PMFBP1: variants seen among roughly 807,000 people sequenced by gnomAD.
The protein encoded by PMFBP1 is polyamine-modulated factor 1-binding protein 1.
In PMFBP1, 131 loss-of-function variants were observed where a neutral mutation model predicts 137.8. The observed-to-expected ratio is 0.95, with a 90% CI of 0.82 to 1.10. The LOEUF (loss-of-function observed/expected upper bound fraction) is 1.10. PMFBP1 is among the 50% of genes least tolerant of loss of function. The pLI is 0.00. For missense variants in PMFBP1, 1,199 were observed against 1,175.4 expected (o/e 1.02, Z -0.29); for synonymous variants, 490 against 450.4 (o/e 1.09, Z -1.11).
chr16:72,150,762 T>A lies in PMFBP1; in HGVS notation c.482A>T (p.Gln161Leu). The A allele has an allele frequency of 1.2e-6, 2 of 1,614,230 alleles. No homozygotes were observed. Among genetic ancestry groups the A allele is most frequent in the South Asian group, 1.1e-5 (1 of 91,084 alleles). The change falls in exon 5 of 21, where the codon CAG becomes CTG. Residue 161 changes from glutamine to leucine, a missense_variant. By Grantham distance (113) the Gln-to-Leu change is moderately radical. Transcript: ENST00000237353. ...ENTGEKLHLAQEQLALAGDKI... is the reference protein window; with the variant it reads ...ENTGEKLHLALEQLALAGDKI... ...GTCCCCGGCCAAGGCGAGTTGCTCC[T>A]GCGCCAAATGGAGCTTCTCCCCTGT...
At chr16:72,136,032 G>A (rs2042626052) in intron 9 of PMFBP1, among the ~76,000 whole-genome samples, 1 of 152,092 alleles carries the variant, frequency 6.6e-6, no homozygotes, top group African/African-American at 2.4e-5. Context: ...TGGGATTACA[G>A]GCTTGAGCCA....
At chr16:72,153,148 G>A (rs2144425756) in intron 4 of PMFBP1, among the ~76,000 whole-genome samples, 1 of 152,304 alleles carries the variant, frequency 6.6e-6, no homozygotes, top group Non-Finnish European at 1.5e-5. Context: ...GAACCACTAA[G>A]TTTTAACACA....
In PMFBP1 at chr16:72,136,554, G is replaced by A. The variant is rs573884469; in HGVS notation, c.1097C>T (p.Ala366Val). The change falls in exon 9 of 21, where the codon GCC becomes GTC. Residue 366 changes from alanine to valine, a missense_variant. Coordinates refer to ENST00000237353, the MANE Select transcript of PMFBP1 (RefSeq NM_031293.3). ...GTCCTTATCCTTCCTCTCAATGTGG[G>A]CAGATGTCTCCTCCCGCAGTCCGTG... ...DLHGLREETS[A>V]HIERKDKDIT... 1.2e-4 allele frequency: 186 copies of A among 1,613,866 alleles called. No homozygotes were observed. The highest frequency in any genetic ancestry group is 1.5e-4 in the Non-Finnish European group (179 of 1,180,002).
chr16:72,248,102 T>G, the PMFBP1 span, among the ~76,000 whole-genome samples: 1 of 152,188 alleles, frequency 6.6e-6, no homozygotes, highest in African/African-American at 2.4e-5. Flanking sequence ...TCTGGAAGTG[T>G]TCTAAAGTGA....
At chr16:72,195,072 G>C in the PMFBP1 span, among the ~76,000 whole-genome samples, 1 of 152,140 alleles carries the variant, frequency 6.6e-6, no homozygotes, top group South Asian at 2.1e-4. Flanking sequence ...CTTGCTGTTC[G>C]GGTCTCCCTT....
At chr16:72,209,771 C>T in the PMFBP1 span, among the ~76,000 whole-genome samples, 2 of 152,134 alleles carry the variant, frequency 1.3e-5, no homozygotes, top group Non-Finnish European at 2.9e-5. Flanking sequence ...GGAAACGAGA[C>T]CCATACACGA....
upstream of PMFBP1, among the ~76,000 whole-genome samples, chr16:72,180,753 T>C (rs1379712938): frequency 2.6e-5 from 4 of 152,152 alleles, no homozygotes; most frequent in African/African-American, 9.7e-5. Context: ...ACAGATTGAC[T>C]GAAGGCAGCA....
the PMFBP1 span, among the ~76,000 whole-genome samples, chr16:72,198,745 C>T: frequency 1.0e-3 from 159 of 152,194 alleles, no homozygotes; most frequent in Non-Finnish European, 1.5e-3. Flanking sequence ...AAGGCAAACC[C>T]GTGGATCGGT....
chr16:72,154,422 G>C lies in PMFBP1; in HGVS notation c.203C>G (p.Ser68Ter). The change falls in exon 4 of 21, where the codon TCA becomes TGA. Residue 68 changes from serine (S) to a stop codon, truncating the protein, a stop_gained. Transcript: ENST00000237353. LOFTEE classifies it high-confidence loss of function. Reference protein sequence around the residue: ...KQAQALAFEESEVEFGSSKQC... With the variant: ...KQAQALAFEE ...TTTACTGGACCCAAATTCCACCTCTGACTCCTCGAATGCTAATGCCTGTGC... is the reference window on the plus strand; with the variant it reads ...TTTACTGGACCCAAATTCCACCTCTCACTCCTCGAATGCTAATGCCTGTGC... 6.2e-7 allele frequency: 1 copy of C among 1,614,086 alleles called. No homozygotes were observed. Among genetic ancestry groups the C allele is most frequent in the Non-Finnish European group, 8.5e-7 (1 of 1,179,982 alleles).
the PMFBP1 span, among the ~76,000 whole-genome samples, chr16:72,211,302 A>G: frequency 1.3e-5 from 2 of 152,196 alleles, no homozygotes; most frequent in African/African-American, 4.8e-5. Context: ...TGCACAGAAC[A>G]CCAGAGGCAA....
At chr16:72,136,418 G>A (rs1255729460) in intron 9 of PMFBP1, 30 bp downstream of exon 9, 3 of 1,605,498 alleles carry the variant, frequency 1.9e-6, no homozygotes, top group Non-Finnish European at 2.6e-6. Flanking sequence ...CTGCCCCATT[G>A]GGAACCCCAA....
the PMFBP1 span, among the ~76,000 whole-genome samples, chr16:72,200,247 GCT>G: frequency 2.6e-5 from 4 of 152,360 alleles, no homozygotes; most frequent in African/African-American, 7.2e-5. Context: ...GCTCCCTCTG[GCT>G]AGGATGGGGG....
chr16:72,152,096 A>G (rs886613676), intron 4 of PMFBP1, among the ~76,000 whole-genome samples: 6 of 152,200 alleles, frequency 3.9e-5, no homozygotes, highest in Admixed American at 1.3e-4. Context: ...TCACTTGCTC[A>G]TGTGCATGCA....
At chr16:72,140,371 T>G in intron 6 of PMFBP1, 41 bp downstream of exon 6, 1 of 1,556,116 alleles carries the variant, frequency 6.4e-7, no homozygotes, top group African/African-American at 1.4e-5. Context: ...ATGTCTTGAT[T>G]GAGGGTCTCC....
chr16:72,241,359 A>T, the PMFBP1 span, among the ~76,000 whole-genome samples: 3 of 152,240 alleles, frequency 2.0e-5, no homozygotes, highest in Non-Finnish European at 2.9e-5. Flanking sequence ...TCTCTGAATA[A>T]TAAACAAAAG....
chr16:72,151,453 C>G (rs1426389396), intron 4 of PMFBP1, among the ~76,000 whole-genome samples: 1 of 152,190 alleles, frequency 6.6e-6, no homozygotes, highest in Non-Finnish European at 1.5e-5. Context: ...GAGTTTAAAA[C>G]TTTCACAATC....
At chr16:72,183,795 T>C in the PMFBP1 span, among the ~76,000 whole-genome samples, 1 of 152,142 alleles carries the variant, frequency 6.6e-6, no homozygotes, top group South Asian at 2.1e-4. Context: ...TTCTCTCTCC[T>C]CTCTGCCCCT....
chr16:72,152,820 G>A lies in PMFBP1; in HGVS notation c.414+1391C>T, dbSNP rs554732801. The stretch of plus-strand genomic sequence containing the variant: ...AGATCGGGCCAATGCATCCCAGCCT[G>A]GGCGACAGATTGAGACTTCGTCTCA... On this transcript the variant is annotated intron_variant, in intron 4 of 20. Transcript: ENST00000237353. Among the ~76,000 whole-genome samples the A allele has an allele frequency of 2.0e-5, 3 of 146,846 alleles. No homozygotes were observed. In the East Asian group the frequency reaches 5.9e-4, roughly 29 times the overall value.
the PMFBP1 span, among the ~76,000 whole-genome samples, chr16:72,185,868 T>C: frequency 1.3e-5 from 2 of 152,118 alleles, no homozygotes; most frequent in African/African-American, 4.8e-5. Flanking sequence ...TCTCCAGAGG[T>C]AGACCAATAT....
Sources: allele counts gnomAD v4.1 joint callset (sites outside exome capture counted in the v4.1 genomes callset), GRCh38; gene constraint gnomAD v4.1.1; transcripts MANE v1.5; gene names NCBI Gene and HGNC (gene_info 2026-07-23, HGNC 2026-07-21).